AXIN2: variants seen among roughly 807,000 people sequenced by gnomAD.
The protein encoded by AXIN2 is axin 2, also known as axin-2.
In AXIN2, 21 loss-of-function variants were observed where a neutral mutation model predicts 74.7. That is an observed-to-expected ratio of 0.28 (90% CI 0.20 to 0.40). The LOEUF is 0.40. AXIN2 is among the 10% of genes least tolerant of loss of function. AXIN2 has a pLI of 1.00. For missense variants in AXIN2, 1,144 were observed against 1,111.1 expected (o/e 1.03, Z -0.42); for synonymous variants, 532 against 454.9 (o/e 1.17, Z -2.16).
chr17:65,533,011 G>T (rs1490279467), intron 10 of AXIN2, among the ~76,000 whole-genome samples: 1 of 152,334 alleles, frequency 6.6e-6, no homozygotes, highest in Non-Finnish European at 1.5e-5. Context: ...ATGGAGAGGG[G>T]CAAGGGAGGA....
rs759355821 is a variant in AXIN2, at chr17:65,530,031, G to A, written c.2477C>T (p.Thr826Met). 51 of 1,614,014 alleles carry A rather than the reference G, an allele frequency of 3.2e-5. No individual in the cohort carries two copies. Among genetic ancestry groups the A allele is most frequent in the Non-Finnish European group, 3.7e-5 (44 of 1,180,030 alleles). ...AVFEEIWEDE[T>M]VLPMYEGRIL... The stretch of plus-strand genomic sequence containing the variant: ...CCGGCCTTCATACATCGGGAGCACC[G>A]TCTCATCCTCCCAGATCTCCTCAAA... The change falls in exon 11 of 11, where the codon ACG (threonine) becomes ATG (methionine). Residue 826 changes from threonine (T) to methionine (M), a missense_variant. Thr to Met is a moderately conservative substitution (Grantham distance 81). This residue lies in a region of AXIN2 where 65 missense variants were observed against 95.7 expected (regional missense o/e 0.68). Coordinates refer to ENST00000307078, the MANE Select transcript of AXIN2 (RefSeq NM_004655.4).
In AXIN2 at chr17:65,537,667, C is replaced by A; in HGVS notation, c.1369G>T (p.Val457Leu). ...LKTPGCQSPG[V>L]GRYSPRSRSP... ...CGGGAGCGGGGGCTATAGCGGCCTACGCCTGGAGACTGGCAGCCAGGGGTC... is the reference window on the plus strand; with the variant it reads ...CGGGAGCGGGGGCTATAGCGGCCTAAGCCTGGAGACTGGCAGCCAGGGGTC... Residue 457 changes from valine (V) to leucine (L), a missense_variant, in exon 6 of 11, where the codon GTA (valine) becomes TTA (leucine). By Grantham distance (32) the Val-to-Leu change is conservative. Around this residue, in one of 4 missense-constraint regions of AXIN2, gnomAD observed 1,053 missense variants for 973.5 expected, o/e 1.08. Coordinates refer to ENST00000307078, the MANE Select transcript of AXIN2 (RefSeq NM_004655.4). 1 of 1,562,410 alleles carries A rather than the reference C, an allele frequency of 6.4e-7. No individual in the cohort carries two copies. The highest frequency in any genetic ancestry group is 8.7e-7 in the Non-Finnish European group (1 of 1,155,340).
chr17:65,533,454 T>C (rs1193247650), intron 10 of AXIN2, among the ~76,000 whole-genome samples: 1 of 152,214 alleles, frequency 6.6e-6, no homozygotes, highest in Non-Finnish European at 1.5e-5. Context: ...GAGCCTTCAA[T>C]GTGGGGGTCT....
rs1033259421 is a variant in AXIN2, at chr17:65,550,210, G to A, written c.816-550C>T. ...TTGACCCTGGGCCCACAGTGAGCTG[G>A]ACAGACGGGACAGAAAAGTTCAAGA... is the stretch of plus-strand genomic sequence containing the variant. On this transcript the variant is annotated intron_variant, in intron 2 of 10. Transcript: ENST00000307078. 2.6e-5 allele frequency among the ~76,000 whole-genome samples: 4 copies of A among 152,240 alleles called. No individual in the cohort carries two copies. In the East Asian group the frequency reaches 7.7e-4, roughly 29 times the overall value.
At position 65,532,208 on chromosome 17, in the gene AXIN2, C is replaced by T. The variant is rs549570518; in HGVS notation, c.2405+1704G>A. Among the ~76,000 whole-genome samples the T allele has an allele frequency of 7.9e-5, 12 of 152,012 alleles. No individual in the cohort carries two copies. The East Asian group carries it at 2.3e-3, about 29-fold the overall frequency. On this transcript the variant is annotated intron_variant, in intron 10 of 10. Transcript: ENST00000307078. ...TCAAAGCCAGGCTTATTAACTGTGC[C>T]TCAGGGAGAAAAAAAAAAAATCAGA...
chr17:65,551,214 T>TGGGACTAAC (rs1436869655), intron 2 of AXIN2, among the ~76,000 whole-genome samples: 1 of 151,954 alleles, frequency 6.6e-6, no homozygotes, highest in Non-Finnish European at 1.5e-5. Flanking sequence ...ATGGGACTAA[T>TGGGACTAAC]GGGACTAACG....
chr17:65,539,003 C>A (rs563017379), intron 4 of AXIN2, among the ~76,000 whole-genome samples: 2 of 152,116 alleles, frequency 1.3e-5, no homozygotes, highest in African/African-American at 4.8e-5. Context: ...CTGCTGCAGG[C>A]TAGTAGCAGA....
chr17:65,552,197 G>A (rs1351488768), intron 2 of AXIN2, among the ~76,000 whole-genome samples: 1 of 152,224 alleles, frequency 6.6e-6, no homozygotes, highest in Non-Finnish European at 1.5e-5. Flanking sequence ...GGTTGATTCA[G>A]TGAAAAAGGC....
chr17:65,544,268 T>A, intron 3 of AXIN2, among the ~76,000 whole-genome samples: 1 of 149,910 alleles, frequency 6.7e-6, no homozygotes, highest in African/African-American at 2.5e-5. Flanking sequence ...TATAATAAGG[T>A]TAAAAAAAAA....
intron 3 of AXIN2, among the ~76,000 whole-genome samples, chr17:65,548,304 A>C (rs2044144393): frequency 6.6e-6 from 1 of 152,244 alleles, no homozygotes; most frequent in Non-Finnish European, 1.5e-5. Context: ...TAGGTTCCCA[A>C]ACTCACCTCA....
chr17:65,535,359 G>A (rs879612464), intron 9 of AXIN2, among the ~76,000 whole-genome samples: 5 of 152,154 alleles, frequency 3.3e-5, no homozygotes, highest in Non-Finnish European at 5.9e-5. Context: ...TTTTCCAGCT[G>A]AATTTGAGGT....
chr17:65,552,401 A>C (rs1467685323), intron 2 of AXIN2, among the ~76,000 whole-genome samples: 1 of 152,248 alleles, frequency 6.6e-6, no homozygotes, highest in East Asian at 1.9e-4. Context: ...CTGGGTGCGT[A>C]AGTAAGGCGT....
At chr17:65,536,728 A>G in intron 7 of AXIN2, 141 bp downstream of exon 7, 1 of 1,432,410 alleles carries the variant, frequency 7.0e-7, no homozygotes. Context: ...TGGTCTGCTC[A>G]GTCCAACGTT....
At chr17:65,555,432 T>C (rs1348205101) in intron 2 of AXIN2, among the ~76,000 whole-genome samples, 2 of 152,002 alleles carry the variant, frequency 1.3e-5, no homozygotes, top group African/African-American at 2.4e-5. Flanking sequence ...AGTTGAGGCA[T>C]GGGGGTCAGG....
In AXIN2 at chr17:65,537,403, C is replaced by T. The variant is rs148951121; in HGVS notation, c.1633G>A (p.Gly545Arg). The T allele has an allele frequency of 1.2e-6, 2 of 1,613,950 alleles. No individual in the cohort carries two copies. Among genetic ancestry groups the T allele is most frequent in the Non-Finnish European group, 1.7e-6 (2 of 1,180,014 alleles). ...ATQRVHCFCP[G>R]GSEYYCYSKC... ...GAGTAGCAGTAATACTCGCTGCCCCCAGGGCAGAAGCAGTGCACCCGCTGC... is the reference window on the plus strand; with the variant it reads ...GAGTAGCAGTAATACTCGCTGCCCCTAGGGCAGAAGCAGTGCACCCGCTGC... The change falls in exon 6 of 11, where the codon GGG (glycine) becomes AGG (arginine). Residue 545 changes from glycine to arginine, a missense_variant. By Grantham distance (125) the Gly-to-Arg change is moderately radical. Around this residue, in one of 4 missense-constraint regions of AXIN2, gnomAD observed 1,053 missense variants for 973.5 expected, o/e 1.08. Transcript: ENST00000307078.
At chr17:65,546,266 TGAAAG>T (rs1262445297) in intron 3 of AXIN2, among the ~76,000 whole-genome samples, 3 of 152,196 alleles carry the variant, frequency 2.0e-5, no homozygotes, top group Non-Finnish European at 4.4e-5. Context: ...AACAATGGGC[TGAAAG>T]CGATTCAGTT....
intron 3 of AXIN2, among the ~76,000 whole-genome samples, chr17:65,546,249 C>A (rs1012518119): frequency 6.6e-6 from 1 of 152,138 alleles, no homozygotes; most frequent in Admixed American, 6.5e-5. Flanking sequence ...CTAAGCTTCC[C>A]GGGATGAACA....
rs1412964781 is a variant in AXIN2, at chr17:65,529,692, T to C, written c.*284A>G. On this transcript the variant is annotated 3_prime_UTR_variant, in exon 11 of 11. Transcript: ENST00000307078. ...GATCCCTAGGAAGTCATATATTATG[T>C]ATGGCAGTCTCTCAAATACAGGCAG... is the stretch of plus-strand genomic sequence containing the variant. 1.9e-5 allele frequency: 9 copies of C among 485,336 alleles called. No individual in the cohort carries two copies. The East Asian group carries it at 3.3e-4, about 18-fold the overall frequency. The allele number at this position is 485,336 out of a possible 1,614,324, so 30.1% of individuals were successfully genotyped here. A position where few individuals can be genotyped will look rare whatever the true frequency, so the allele number is the denominator to read the frequency against.
intron 9 of AXIN2, among the ~76,000 whole-genome samples, chr17:65,534,286 T>TGCATGCA (rs1010683296): frequency 6.6e-6 from 1 of 152,250 alleles, no homozygotes; most frequent in Non-Finnish European, 1.5e-5. Context: ...CCACATGTGC[T>TGCATGCA]GCATGCAGCA....
Sources: allele counts gnomAD v4.1 joint callset (sites outside exome capture counted in the v4.1 genomes callset), GRCh38; gene constraint gnomAD v4.1.1; regional missense constraint gnomAD v4.1.1; transcripts MANE v1.5; gene names NCBI Gene and HGNC (gene_info 2026-07-23, HGNC 2026-07-21).